The following PCDHGB1 variants were observed in gnomAD, a reference collection of about 807,000 sequenced individuals.
PCDHGB1 encodes the protein protocadherin gamma subfamily B, 1.
PCDHGB1 carries 34 observed loss-of-function variants against 56.6 expected under a neutral mutation model. The ratio of observed to expected loss-of-function variants is 0.60; its 90% CI spans 0.46 to 0.80. The LOEUF (loss-of-function observed/expected upper bound fraction) is 0.80, where lower values mean the gene tolerates loss of function less well. PCDHGB1 is among the 30% of genes least tolerant of loss of function. PCDHGB1 has a pLI of 0.00. For synonymous variants in PCDHGB1, 561 were observed against 505.9 expected, an observed-to-expected ratio of 1.11 and a Z score of -1.46; for missense variants, 1,278 against 1,204.6, an observed-to-expected ratio of 1.06 and a Z score of -0.90.
chr5:141,393,905 A>G, intron 1 of PCDHGB1: 1 of 1,614,030 alleles, frequency 6.2e-7, no homozygotes, highest in Non-Finnish European at 8.5e-7. Flanking sequence ...TTCCCGGGAC[A>G]GTAATTGCCT....
At chr5:141,371,062 G>C in intron 1 of PCDHGB1, 1 of 1,613,974 alleles carries the variant, frequency 6.2e-7, no homozygotes, top group African/African-American at 1.3e-5. Context: ...CCCTCCAGAA[G>C]CTGTACCACC....
In PCDHGB1 at chr5:141,490,925, C is replaced by T; in HGVS notation, c.2410-3882C>T. 1 of 1,613,688 alleles carries T rather than the reference C, an allele frequency of 6.2e-7. No homozygotes were observed. The highest frequency in any genetic ancestry group is 8.5e-7 in the Non-Finnish European group (1 of 1,179,700). On this transcript the variant is annotated intron_variant, in intron 1 of 3. Coordinates refer to ENST00000523390, the MANE Select transcript of PCDHGB1 (RefSeq NM_018922.3). The surrounding 1 kb of genome is among the most constrained non-coding windows in gnomAD (Gnocchi z 5.4). ...GTCCTAGACGAGAATGATAATGCCC[C>T]AGCTGTGCTGCACCCACGGCCAGAC... is the stretch of plus-strand genomic sequence containing the variant.
chr5:141,502,864 G>T (rs1595824348), intron 2 of PCDHGB1, among the ~76,000 whole-genome samples: 4 of 61,548 alleles, frequency 6.5e-5, no homozygotes, highest in African/African-American at 2.4e-4. Flanking sequence ...CTGACTCTCT[G>T]TCTTTTTTTT....
chr5:141,477,438 C>G lies in PCDHGB1; in HGVS notation c.2410-17369C>G. 6.2e-7 allele frequency: 1 copy of G among 1,614,174 alleles called. No homozygotes were observed. Among genetic ancestry groups the G allele is most frequent in the Non-Finnish European group, 8.5e-7 (1 of 1,180,030 alleles). On this transcript the variant is annotated intron_variant, in intron 1 of 3. Coordinates refer to ENST00000523390, the MANE Select transcript of PCDHGB1 (RefSeq NM_018922.3). The surrounding 1 kb of genome is among the most constrained non-coding windows in gnomAD (Gnocchi z 4.9). ...GGAACCCCTTCCCTCTCAGCCCTTACAATAGTGCGTGTTCAAGTGTCCGAC... is the reference window on the plus strand; with the variant it reads ...GGAACCCCTTCCCTCTCAGCCCTTAGAATAGTGCGTGTTCAAGTGTCCGAC...
chr5:141,506,834 C>T (rs2099856597), intron 3 of PCDHGB1, among the ~76,000 whole-genome samples: 1 of 152,140 alleles, frequency 6.6e-6, no homozygotes, highest in Non-Finnish European at 1.5e-5. Flanking sequence ...ACTGATAGCC[C>T]TGCCCTCCAG....
intron 1 of PCDHGB1, chr5:141,385,474 T>C (rs554098554): frequency 2.1e-6 from 3 of 1,436,644 alleles, no homozygotes; most frequent in African/African-American, 1.4e-5. Flanking sequence ...GGTGACACTT[T>C]AATATAGAAC....
intron 1 of PCDHGB1, chr5:141,364,204 A>G (rs1763216193): frequency 8.7e-7 from 1 of 1,155,836 alleles, no homozygotes; most frequent in Non-Finnish European, 1.2e-6. Context: ...CAGACCAGAC[A>G]AGCTCCTACG....
In PCDHGB1 at chr5:141,350,791, G is replaced by A. The variant is rs1758561516; in HGVS notation, c.531G>A (p.Leu177=). The A allele has an allele frequency of 2.5e-6, 4 of 1,613,970 alleles. No homozygotes were observed. The highest frequency in any genetic ancestry group is 3.4e-6 in the Non-Finnish European group (4 of 1,179,894). The change falls in exon 1 of 4, where the codon CTG becomes CTA. Residue 177 remains leucine, a synonymous_variant. Coordinates refer to ENST00000523390, the MANE Select transcript of PCDHGB1 (RefSeq NM_018922.3). ...YTINPNQYFS[L]STKESPDGSK... ...TCAACCCCAATCAATACTTCTCTCT[G>A]TCAACGAAGGAAAGTCCTGATGGAA...
intron 1 of PCDHGB1, among the ~76,000 whole-genome samples, chr5:141,425,504 T>A (rs1049969153): frequency 2.6e-5 from 4 of 152,260 alleles, no homozygotes; most frequent in Non-Finnish European, 5.9e-5. Flanking sequence ...TACCTTTATA[T>A]TCTCTTTATG....
rs773201004 is a variant in PCDHGB1, at chr5:141,350,351, A to T, written c.91A>T (p.Ile31Phe). 16 of 1,561,252 alleles carry T rather than the reference A, an allele frequency of 1.0e-5. No individual in the cohort carries two copies. The highest frequency in any genetic ancestry group is 1.3e-5 in the Non-Finnish European group (15 of 1,154,010). The change falls in exon 1 of 4, where the codon ATC becomes TTC. Residue 31 changes from isoleucine (I) to phenylalanine (F), a missense_variant. By Grantham distance (21) the Ile-to-Phe change is conservative (BLOSUM62 0). Coordinates refer to ENST00000523390, the MANE Select transcript of PCDHGB1 (RefSeq NM_018922.3). ...GTTCTGCGGGGCCATCTCCCAGCAGATCCGATACACGATTCCAGAGGAGCT... is the reference window on the plus strand; with the variant it reads ...GTTCTGCGGGGCCATCTCCCAGCAGTTCCGATACACGATTCCAGAGGAGCT... ...SLFCGAISQQ[I>F]RYTIPEELAN... is the part of the protein sequence containing the mutation.
intron 1 of PCDHGB1, chr5:141,371,896 T>C (rs760450150): frequency 1.2e-6 from 2 of 1,613,426 alleles, no homozygotes; most frequent in Admixed American, 1.7e-5. Flanking sequence ...CCGCGGGAGC[T>C]GTCGTCCTAC....
intron 3 of PCDHGB1, among the ~76,000 whole-genome samples, chr5:141,506,320 G>A (rs1054880362): frequency 8.6e-5 from 13 of 151,966 alleles, no homozygotes; most frequent in South Asian, 8.3e-4. Flanking sequence ...ATGGTGGTGC[G>A]TGCCTGTAGT....
intron 1 of PCDHGB1, chr5:141,408,313 T>G (rs375849626): frequency 6.2e-7 from 1 of 1,613,758 alleles, no homozygotes; most frequent in African/African-American, 1.3e-5. Flanking sequence ...GCTACTCGAT[T>G]CCGGAGGAGC....
At chr5:141,371,260 G>C in intron 1 of PCDHGB1, 1 of 1,614,034 alleles carries the variant, frequency 6.2e-7, no homozygotes, top group Non-Finnish European at 8.5e-7. Flanking sequence ...AAGGAAGTGA[G>C]ACAACTGTTC....
chr5:141,402,977 C>T, intron 1 of PCDHGB1: 2 of 1,608,138 alleles, frequency 1.2e-6, no homozygotes, highest in Non-Finnish European at 8.5e-7. Flanking sequence ...CAAATGCCAG[C>T]TCCGCGGAAG....
intron 1 of PCDHGB1, chr5:141,440,169 C>A (rs891186588): frequency 1.3e-5 from 2 of 152,218 alleles, no homozygotes; most frequent in Non-Finnish European, 2.9e-5. Flanking sequence ...TGGGCCATAA[C>A]GCTTTGAAAT....
chr5:141,377,398 G>A (rs1274775607), intron 1 of PCDHGB1: 1 of 152,106 alleles, frequency 6.6e-6, no homozygotes. Context: ...TTGAGACCAG[G>A]AGTTTGAGAC....
At chr5:141,412,815 A>G (rs2095578958) in intron 1 of PCDHGB1, among the ~76,000 whole-genome samples, 1 of 152,328 alleles carries the variant, frequency 6.6e-6, no homozygotes, top group Non-Finnish European at 1.5e-5. Flanking sequence ...AGAAACCTAC[A>G]TATAGTAAAT....
chr5:141,360,357 T>A, intron 1 of PCDHGB1: 1 of 1,613,878 alleles, frequency 6.2e-7, no homozygotes, highest in African/African-American at 1.3e-5. Flanking sequence ...AGAAGGAATA[T>A]TTCACAGTAA....
Sources: allele counts gnomAD v4.1 joint callset (sites outside exome capture counted in the v4.1 genomes callset), GRCh38; gene constraint gnomAD v4.1.1; non-coding constraint Gnocchi (gnomAD v3.1); transcripts MANE v1.5; gene names NCBI Gene and HGNC (gene_info 2026-07-23, HGNC 2026-07-21).